Variants in MAGI1 observed in about 807,000 individuals in gnomAD.
The protein encoded by MAGI1 is membrane associated guanylate kinase, WW and PDZ domain containing 1, also known as membrane-associated guanylate kinase, WW and PDZ domain-containing protein 1.
In MAGI1, 58 loss-of-function variants were observed where a neutral mutation model predicts 139.9. The observed-to-expected ratio is 0.41, with a 90% CI of 0.34 to 0.52. MAGI1 has a LOEUF of 0.52. Among genes scored for constraint, MAGI1 ranks in the 20% least tolerant of loss-of-function variants. The probability of loss-of-function intolerance (pLI) is 0.12; values close to 1 mark genes in which losing one functional copy is unlikely to be tolerated. For synonymous variants in MAGI1, 812 were observed against 737.9 expected, an observed-to-expected ratio of 1.10 and a Z score of -1.63; for missense variants, 1,874 against 1,901.6, an observed-to-expected ratio of 0.99 and a Z score of 0.27.
chr3:65,882,056 A>C (rs2060350834), intron 1 of MAGI1, among the ~76,000 whole-genome samples: 1 of 152,228 alleles, frequency 6.6e-6, no homozygotes, highest in Non-Finnish European at 1.5e-5. Flanking sequence ...GGAGAAATGC[A>C]TTAAAATGCA....
intron 1 of MAGI1, among the ~76,000 whole-genome samples, chr3:65,644,430 A>C (rs2085149467): frequency 6.6e-6 from 1 of 151,530 alleles, no homozygotes. Context: ...AAAAAAAAAA[A>C]AAACCCAGAA....
intron 17 of MAGI1, among the ~76,000 whole-genome samples, chr3:65,377,454 A>G (rs956992183): frequency 1.3e-5 from 2 of 152,362 alleles, no homozygotes; most frequent in East Asian, 1.9e-4. Flanking sequence ...AAGGAAAACA[A>G]TCAAAGACCA....
intron 1 of MAGI1, among the ~76,000 whole-genome samples, chr3:65,994,394 A>G (rs1294226328): frequency 6.6e-6 from 1 of 152,120 alleles, no homozygotes; most frequent in Non-Finnish European, 1.5e-5. Context: ...AATACTTTCA[A>G]CTTAGAAATG....
intron 1 of MAGI1, among the ~76,000 whole-genome samples, chr3:65,773,129 T>C (rs2038089975): frequency 6.6e-6 from 1 of 152,170 alleles, no homozygotes; most frequent in Non-Finnish European, 1.5e-5. Context: ...TTCATAAAAG[T>C]ACCTGACAGA....
chr3:65,681,285 A>G (rs2087573105), intron 1 of MAGI1, among the ~76,000 whole-genome samples: 1 of 152,234 alleles, frequency 6.6e-6, no homozygotes, highest in African/African-American at 2.4e-5. Context: ...GGTCTCATTT[A>G]TAGACCACAA....
At chr3:65,441,726 C>G (rs1487515395) in intron 8 of MAGI1, among the ~76,000 whole-genome samples, 1 of 152,198 alleles carries the variant, frequency 6.6e-6, no homozygotes, top group Non-Finnish European at 1.5e-5. Flanking sequence ...GAGGGGCAGC[C>G]AAGTTTGCCT....
chr3:65,689,004 G>A (rs912485321), intron 1 of MAGI1, among the ~76,000 whole-genome samples: 6 of 152,182 alleles, frequency 3.9e-5, no homozygotes, highest in African/African-American at 7.2e-5. Context: ...AATTTTCCTC[G>A]ACTATGATTT....
intron 2 of MAGI1, among the ~76,000 whole-genome samples, chr3:65,615,235 C>T (rs2083310434): frequency 6.6e-6 from 1 of 152,086 alleles, no homozygotes; most frequent in Non-Finnish European, 1.5e-5. Flanking sequence ...AACAAGGGGA[C>T]TGTTAATAAA....
intron 1 of MAGI1, among the ~76,000 whole-genome samples, chr3:65,851,521 G>T (rs1169562399): frequency 6.6e-6 from 1 of 152,148 alleles, no homozygotes; most frequent in African/African-American, 2.4e-5. Flanking sequence ...GGCCGAGGTG[G>T]GCGGATCACT....
chr3:65,915,467 T>G (rs1553728610), intron 1 of MAGI1, among the ~76,000 whole-genome samples: 1 of 152,204 alleles, frequency 6.6e-6, no homozygotes, highest in Non-Finnish European at 1.5e-5. Flanking sequence ...CACTTGCCCC[T>G]TTTTAGACAC....
intron 12 of MAGI1, among the ~76,000 whole-genome samples, chr3:65,408,621 TA>T (rs1198545715): frequency 6.6e-6 from 1 of 152,030 alleles, no homozygotes; most frequent in East Asian, 1.9e-4. Context: ...GCAACCCTTC[TA>T]AAAAAAAGCC....
In MAGI1 at chr3:65,354,519, A is replaced by G. The variant is rs541470679; in HGVS notation, c.*1859T>C. On this transcript the variant is annotated 3_prime_UTR_variant, in exon 23 of 23. Coordinates refer to ENST00000402939, the MANE Select transcript of MAGI1 (RefSeq NM_001033057.2). Reference sequence around the variant, plus strand: ...AGAAAGAGCATTAAGTCCATAGCACACTGCAAGAAATAAATGAGTGAAGAA... The same window carrying G: ...AGAAAGAGCATTAAGTCCATAGCACGCTGCAAGAAATAAATGAGTGAAGAA... The G allele has an allele frequency of 6.5e-6, 1 of 152,788 alleles. No individual in the cohort carries two copies. The highest frequency in any genetic ancestry group is 6.5e-5 in the Admixed American group (1 of 15,298). The allele number at this position is 152,788 out of a possible 1,614,324, so 9.5% of individuals were successfully genotyped here.
chr3:65,755,894 C>G (rs981230373), intron 1 of MAGI1, among the ~76,000 whole-genome samples: 6 of 152,202 alleles, frequency 3.9e-5, no homozygotes, highest in Admixed American at 1.3e-4. Context: ...AATATAAACA[C>G]TGAATAATCT....
chr3:65,530,234 C>G (rs1024406706), intron 2 of MAGI1, among the ~76,000 whole-genome samples: 1 of 152,136 alleles, frequency 6.6e-6, no homozygotes, highest in Non-Finnish European at 1.5e-5. Context: ...GGATACCTGT[C>G]ATTAATGTCA....
intron 1 of MAGI1, among the ~76,000 whole-genome samples, chr3:65,674,471 G>C (rs1346853156): frequency 6.6e-6 from 1 of 152,128 alleles, no homozygotes; most frequent in Admixed American, 6.5e-5. Context: ...TTAGGAAAGG[G>C]GCCAAGGTGT....
chr3:66,020,726 C>A (rs552667518), intron 1 of MAGI1, among the ~76,000 whole-genome samples: 1 of 152,084 alleles, frequency 6.6e-6, no homozygotes, highest in Non-Finnish European at 1.5e-5. Context: ...TCAAGTGATA[C>A]AACAGTTTAA....
chr3:65,775,463 ATT>A (rs3077784), intron 1 of MAGI1, among the ~76,000 whole-genome samples: 1 of 112,890 alleles, frequency 8.9e-6, no homozygotes, highest in Non-Finnish European at 1.7e-5. Flanking sequence ...AAAAAAAAAA[ATT>A]TTTTTAAGTG....
intron 1 of MAGI1, among the ~76,000 whole-genome samples, chr3:65,634,121 C>A (rs2084464733): frequency 1.3e-5 from 2 of 152,134 alleles, no homozygotes; most frequent in African/African-American, 4.8e-5. Context: ...TAAACTGAGG[C>A]TCAGAAGTTG....
At position 65,645,672 on chromosome 3, in the gene MAGI1, T is replaced by C. The variant is rs373345001; in HGVS notation, c.314-23584A>G. Among the ~76,000 whole-genome samples, 4 of 152,270 alleles carry C rather than the reference T, an allele frequency of 2.6e-5. No homozygotes were observed. In the East Asian group the frequency reaches 5.8e-4, roughly 22 times the overall value. On this transcript the variant is annotated intron_variant, in intron 1 of 22. Transcript: ENST00000402939. ...TCCTACTGAGTTTTCTAAATTAGGT[T>C]TGAAGCTCAACTATCTCATGTGGCT...
Sources: gnomAD v4.1 joint callset for allele counts (sites outside exome capture counted in the v4.1 genomes callset) on GRCh38, gnomAD v4.1.1 for gene constraint, MANE v1.5 for transcripts, NCBI Gene and HGNC (gene_info 2026-07-23, HGNC 2026-07-21) for gene names.